CABLES2: variants seen among roughly 807,000 people sequenced by gnomAD.
The protein encoded by CABLES2 is Cdk5 and Abl enzyme substrate 2, also known as CDK5 and ABL1 enzyme substrate 2.
In CABLES2, 35 loss-of-function variants were observed where a neutral mutation model predicts 44.8. The observed-to-expected ratio is 0.78, with a 90% CI of 0.60 to 1.04. CABLES2 has a LOEUF of 1.04. Among genes scored for constraint, CABLES2 ranks in the 50% least tolerant of loss-of-function variants. The pLI is 0.00. For missense variants in CABLES2, 566 were observed against 615.7 expected (o/e 0.92, Z 0.85); for synonymous variants, 282 against 281.1 (o/e 1.00, Z -0.03).
chr20:62,402,173 C>T (rs1461682951), intron 1 of CABLES2: 1 of 152,276 alleles, frequency 6.6e-6, no homozygotes, highest in Non-Finnish European at 1.5e-5. Flanking sequence ...ACACCTCACT[C>T]ACTCTCAGCA....
chr20:62,396,573 G>A lies in CABLES2; in HGVS notation c.382C>T (p.Arg128Cys). The A allele has an allele frequency of 5.6e-6, 9 of 1,613,214 alleles. No homozygotes were observed. Among genetic ancestry groups the A allele is most frequent in the South Asian group, 1.1e-5 (1 of 91,000 alleles). Reference sequence around the variant, plus strand: ...TCTTCCAGAAACTCCAGGGAGCAGCGCTGGGACGTGACTCGCTTCCTGCAA... The same window carrying A: ...TCTTCCAGAAACTCCAGGGAGCAGCACTGGGACGTGACTCGCTTCCTGCAA... ...QRQRKRVTSQ[R>C]CSLEFLEDAV... is the part of the protein sequence containing the mutation. The change falls in exon 2 of 10, where the codon CGC (arginine) becomes TGC (cysteine). Residue 128 changes from arginine (R) to cysteine (C), a missense_variant. Physicochemically the swap from Arg to Cys is radical, Grantham distance 180. Transcript: ENST00000279101. The surrounding 1 kb of genome is among the most constrained non-coding windows in gnomAD (Gnocchi z 5.7).
At position 62,396,281 on chromosome 20, in the gene CABLES2, C is replaced by G; in HGVS notation, c.527+34G>C. 6.3e-7 allele frequency: 1 copy of G among 1,583,652 alleles called. No homozygotes were observed. The highest frequency in any genetic ancestry group is 1.1e-5 in the South Asian group (1 of 90,492). ...GGACCCCGTGGGCTTATGGAGACCA[C>G]AGCCCTGGCCCGGTTCCCGGCTCCG... On this transcript the variant is annotated intron_variant, in intron 3 of 9. Coordinates refer to ENST00000279101, the MANE Select transcript of CABLES2 (RefSeq NM_031215.3). The surrounding 1 kb of genome is among the most constrained non-coding windows in gnomAD (Gnocchi z 5.7).
Position 62,392,974 on chromosome 20 carries a change from G to A in CABLES2, c.930C>T (p.Asp310=), listed in dbSNP as rs780132749. The change falls in exon 7 of 10, where the codon GAC becomes GAT. Residue 310 remains aspartate, a synonymous_variant. Transcript: ENST00000279101. ...TGTGCTTGCCGCAGGGCCACTGCGG[G>A]TCATCCAGGAGGTTGGGGTTGTACT... ...TLEYNPNLLD[D]PQWPCGKHKR... The A allele has an allele frequency of 3.1e-6, 5 of 1,614,070 alleles. No individual in the cohort carries two copies. The highest frequency in any genetic ancestry group is 1.1e-5 in the South Asian group (1 of 91,086).
intron 3 of CABLES2, 140 bp from the exon 4 acceptor site, chr20:62,395,154 G>T: frequency 1.4e-6 from 1 of 702,824 alleles, no homozygotes; most frequent in African/African-American, 1.8e-5. Context: ...GCTGTCCAAG[G>T]GGACTTGAGC....
chr20:62,392,824 C>T lies in CABLES2; in HGVS notation c.984+96G>A, dbSNP rs1397683730. The T allele has an allele frequency of 6.3e-6, 7 of 1,118,602 alleles. No homozygotes were observed. In the Admixed American group the frequency reaches 7.0e-5, roughly 11 times the overall value. The allele number at this position is 1,118,602 out of a possible 1,614,324, so 69.3% of individuals were successfully genotyped here. A position where few individuals can be genotyped will look rare whatever the true frequency, so the allele number is the denominator to read the frequency against. ...CGATCCGGGATGGGGGCACGTCACG[C>T]CCCTGGGGCAGCTTTGCCCACAGCC... is the stretch of plus-strand genomic sequence containing the variant. On this transcript the variant is annotated intron_variant, in intron 7 of 9. Coordinates refer to ENST00000279101, the MANE Select transcript of CABLES2 (RefSeq NM_031215.3).
chr20:62,392,346 G>A, intron 8 of CABLES2, 43 bp downstream of exon 8: 2 of 1,405,918 alleles, frequency 1.4e-6, no homozygotes, highest in Non-Finnish European at 2.0e-6. Context: ...GAGGCTGGCA[G>A]GGCCTCCCAG....
At chr20:62,397,035 G>C (rs183471498) in intron 1 of CABLES2, among the ~76,000 whole-genome samples, 2 of 152,232 alleles carry the variant, frequency 1.3e-5, no homozygotes, top group East Asian at 3.9e-4. Flanking sequence ...CCATGGCATG[G>C]GCAGGCGGGG....
At chr20:62,400,167 C>T (rs556549560) in intron 1 of CABLES2, among the ~76,000 whole-genome samples, 86 of 151,976 alleles carry the variant, frequency 5.7e-4, no homozygotes, top group African/African-American at 1.7e-3. Flanking sequence ...GGGGACCAGC[C>T]GGATGGCTGC....
chr20:62,396,674 G>T lies in CABLES2; in HGVS notation c.363-82C>A. The T allele has an allele frequency of 7.1e-7, 1 of 1,405,480 alleles. No individual in the cohort carries two copies. The highest frequency in any genetic ancestry group is 9.8e-7 in the Non-Finnish European group (1 of 1,016,620). 87.1% of individuals were successfully genotyped at this position (1,405,480 alleles called of 1,614,324 possible). A position where few individuals can be genotyped will look rare whatever the true frequency, so the allele number is the denominator to read the frequency against. On this transcript the variant is annotated intron_variant, in intron 1 of 9. Transcript: ENST00000279101. This position sits in a 1 kb window ranked among gnomAD's most constrained non-coding sequence, Gnocchi z 5.7. ...GGCCAGAAACCGAGTGCCGCCCGCT[G>T]TGCAGGGAAGGGCCACTCTCCAGCC...
chr20:62,391,584 G>T lies in CABLES2; in HGVS notation c.1092-131C>A. ...CAAGAAACACCACCGCATCCTTCAG[G>T]GGATGGTACCCTCCGCCGTACCATG... On this transcript the variant is annotated intron_variant, in intron 8 of 9. Coordinates refer to ENST00000279101, the MANE Select transcript of CABLES2 (RefSeq NM_031215.3). This position sits in a 1 kb window ranked among gnomAD's most constrained non-coding sequence, Gnocchi z 5.7. 1 of 889,684 alleles carries T rather than the reference G, an allele frequency of 1.1e-6. No homozygotes were observed. The highest frequency in any genetic ancestry group is 1.8e-6 in the Non-Finnish European group (1 of 556,878). The allele number at this position is 889,684 out of a possible 1,614,324, so 55.1% of individuals were successfully genotyped here.
At chr20:62,397,034 G>A (rs112582929) in intron 1 of CABLES2, among the ~76,000 whole-genome samples, 2 of 152,144 alleles carry the variant, frequency 1.3e-5, no homozygotes, top group Non-Finnish European at 1.5e-5. Context: ...ACCATGGCAT[G>A]GGCAGGCGGG....
Position 62,391,776 on chromosome 20 carries a change from G to C in CABLES2, c.1092-323C>G, listed in dbSNP as rs1987924101. Among the ~76,000 whole-genome samples, 1 of 151,936 alleles carries C rather than the reference G, an allele frequency of 6.6e-6. No individual in the cohort carries two copies. The highest frequency in any genetic ancestry group is 2.1e-4 in the South Asian group (1 of 4,790). ...GGGGCAGTGGTCTCTGATGAGGGGT[G>C]GTTTTAGGAAGAGCCTTGAAGGGAG... On this transcript the variant is annotated intron_variant, in intron 8 of 9. Transcript: ENST00000279101. The surrounding 1 kb of genome is among the most constrained non-coding windows in gnomAD (Gnocchi z 5.7).
At chr20:62,395,086 C>T (rs1046489608) in intron 3 of CABLES2, 72 bp from the exon 4 acceptor site, 4 of 1,158,858 alleles carry the variant, frequency 3.5e-6, no homozygotes, top group African/African-American at 1.5e-5. Context: ...TCCAGAGCTA[C>T]AGACATTTCC....
intron 1 of CABLES2, among the ~76,000 whole-genome samples, chr20:62,398,268 TGGC>T (rs1266492806): frequency 1.3e-4 from 17 of 127,774 alleles, no homozygotes; most frequent in African/African-American, 2.3e-4. Context: ...GTGATGGTGA[TGGC>T]GGTGGTGGTG....
Position 62,396,518 on chromosome 20 carries a change from T to C in CABLES2, c.434+3A>G, listed in dbSNP as rs1238472186. 1 of 1,613,630 alleles carries C rather than the reference T, an allele frequency of 6.2e-7. No homozygotes were observed. The highest frequency in any genetic ancestry group is 8.5e-7 in the Non-Finnish European group (1 of 1,179,948). On this transcript the variant is annotated splice_donor_region_variant and intron_variant, in intron 2 of 9. Transcript: ENST00000279101. This position sits in a 1 kb window ranked among gnomAD's most constrained non-coding sequence, Gnocchi z 5.7. Reference sequence around the variant, plus strand: ...AGAGCTCGGGGCGGACGGGGGCGTGTACCTCTGTGCTGGAGCGCATCCCAC... The same window carrying C: ...AGAGCTCGGGGCGGACGGGGGCGTGCACCTCTGTGCTGGAGCGCATCCCAC...
rs2427307 is a variant in CABLES2, at chr20:62,391,630, G to C, written c.1092-177C>G. Among the ~76,000 whole-genome samples, 8 of 152,040 alleles carry C rather than the reference G, an allele frequency of 5.3e-5. No homozygotes were observed. The East Asian group carries it at 1.4e-3, about 26-fold the overall frequency. On this transcript the variant is annotated intron_variant, in intron 8 of 9. Transcript: ENST00000279101. The surrounding 1 kb of genome is among the most constrained non-coding windows in gnomAD (Gnocchi z 5.7). ...CCATGTATAACGCCCAGGGCAGGGC[G>C]CATGGGCAGGGACCGGCAGGCTGGG...
chr20:62,394,830 G>A (rs2427309), intron 4 of CABLES2, 107 bp downstream of exon 4: 14 of 981,908 alleles, frequency 1.4e-5, no homozygotes, highest in South Asian at 3.3e-5. Context: ...GGGGGCAGCC[G>A]CACCTGGGGG....
intron 1 of CABLES2, 59 bp downstream of exon 1, chr20:62,406,855 GC>G (rs1379696500): frequency 2.0e-6 from 2 of 987,566 alleles, no homozygotes; most frequent in Non-Finnish European, 2.5e-6. Context: ...GGCTGATCCG[GC>G]CCCCGTCCCC....
chr20:62,398,071 CGGT>C (rs71195454), intron 1 of CABLES2, among the ~76,000 whole-genome samples: 2 of 68,302 alleles, frequency 2.9e-5, no homozygotes, highest in East Asian at 8.3e-4. Context: ...GTGGTGGTGA[CGGT>C]GGTGGTGGTG....
Sources: gnomAD v4.1 joint callset for allele counts (sites outside exome capture counted in the v4.1 genomes callset) on GRCh38, gnomAD v4.1.1 for gene constraint, Gnocchi (gnomAD v3.1) non-coding constraint, MANE v1.5 for transcripts, NCBI Gene and HGNC (gene_info 2026-07-23, HGNC 2026-07-21) for gene names.